The following UBA6 variants were observed in gnomAD, a reference collection of about 807,000 sequenced individuals.
The protein encoded by UBA6 is ubiquitin-like modifier-activating enzyme 6.
In UBA6, 87 loss-of-function variants were observed where a neutral mutation model predicts 148.3. The observed-to-expected ratio is 0.59, with a 90% confidence interval of 0.49 to 0.70. The LOEUF is 0.70. Among genes scored for constraint, UBA6 ranks in the 30% least tolerant of loss-of-function variants. The probability of loss-of-function intolerance (pLI) is 0.00; values close to 1 mark genes in which losing one functional copy is unlikely to be tolerated. For synonymous variants in UBA6, 376 were observed against 401.0 expected (o/e 0.94, Z 0.75); for missense variants, 1,186 against 1,241.2 (o/e 0.96, Z 0.67).
chr4:67,642,164 A>G, intron 17 of UBA6, among the ~76,000 whole-genome samples: 1 of 151,922 alleles, frequency 6.6e-6, no homozygotes, highest in East Asian at 1.9e-4. Flanking sequence ...ACCTCCTCCA[A>G]TTCTGCTTTT....
At chr4:67,624,016 C>T in intron 30 of UBA6, 110 bp downstream of exon 30, 1 of 923,176 alleles carries the variant, frequency 1.1e-6, no homozygotes, top group South Asian at 2.4e-5. Flanking sequence ...CAAAAATTTA[C>T]ACATACACAA....
At chr4:67,677,258 G>A (rs1267773463) in intron 6 of UBA6, among the ~76,000 whole-genome samples, 2 of 152,160 alleles carry the variant, frequency 1.3e-5, no homozygotes, top group African/African-American at 4.8e-5. Flanking sequence ...ACATGGGGGA[G>A]AACCCAAACT....
chr4:67,616,306 G>A lies in UBA6; in HGVS notation c.*2691C>T, dbSNP rs777617967. ...ATTATAGTGGAAAGATTTAGGTCAC[G>A]AGATTTTTTTTTTCCCTAAAAATTT... On this transcript the variant is annotated 3_prime_UTR_variant, in exon 33 of 33. Coordinates refer to ENST00000322244, the MANE Select transcript of UBA6 (RefSeq NM_018227.6). The A allele has an allele frequency of 2.0e-4, 76 of 380,852 alleles. No homozygotes were observed. The highest frequency in any genetic ancestry group is 2.8e-4 in the Non-Finnish European group (60 of 215,304). The allele number at this position is 380,852 out of a possible 1,614,324, so 23.6% of individuals were successfully genotyped here.
chr4:67,685,955 A>G (rs1730548669), intron 2 of UBA6, among the ~76,000 whole-genome samples: 1 of 152,184 alleles, frequency 6.6e-6, no homozygotes, highest in Non-Finnish European at 1.5e-5. Context: ...CTTTGTACCA[A>G]GTAATATGTC....
At chr4:67,673,553 TG>T in intron 7 of UBA6, 143 bp downstream of exon 7, 1 of 450,840 alleles carries the variant, frequency 2.2e-6, no homozygotes, top group Non-Finnish European at 4.0e-6. Flanking sequence ...AAACAGGAAA[TG>T]AATATATCAA....
chr4:67,630,586 G>A (rs1428268176), intron 25 of UBA6, 51 bp from the exon 26 acceptor site: 7 of 1,146,304 alleles, frequency 6.1e-6, no homozygotes, highest in Admixed American at 2.4e-5. Flanking sequence ...TTTTAAAGAC[G>A]ATATTTAACT....
At chr4:67,677,815 C>T in intron 5 of UBA6, 93 bp from the exon 6 acceptor site, 1 of 587,460 alleles carries the variant, frequency 1.7e-6, no homozygotes, top group Non-Finnish European at 2.8e-6. Context: ...AGGAACCTGA[C>T]ATGTTACAAA....
chr4:67,657,522 A>C (rs1729729432), intron 13 of UBA6, among the ~76,000 whole-genome samples: 1 of 152,240 alleles, frequency 6.6e-6, no homozygotes, highest in African/African-American at 2.4e-5. Context: ...TAGAAAAATT[A>C]ACTCAAGATG....
chr4:67,663,108 A>G, intron 12 of UBA6, 31 bp downstream of exon 12: 2 of 1,534,722 alleles, frequency 1.3e-6, no homozygotes, highest in Non-Finnish European at 1.8e-6. Context: ...TATAAAAAGG[A>G]AAATACTTAT....
Position 67,682,141 on chromosome 4 carries a change from C to A in UBA6, c.207G>T (p.Met69Ile), listed in dbSNP as rs1486740986. The change falls in exon 3 of 33, where the codon ATG becomes ATT. Residue 69 changes from methionine (M) to isoleucine (I), a missense_variant. By Grantham distance (10) the Met-to-Ile change is conservative (BLOSUM62 1). Coordinates refer to ENST00000322244, the MANE Select transcript of UBA6 (RefSeq NM_018227.6). ...MAKSHVFLSG[M>I]GGLGLEIAKN... ...TACCAATTTCCAAACCAAGACCACC[C>A]ATCCCACTTAAGAAAACATGGGACT... 2 of 1,613,654 alleles carry A rather than the reference C, an allele frequency of 1.2e-6. No homozygotes were observed.
At chr4:67,637,351 G>A (rs1212445755) in intron 19 of UBA6, among the ~76,000 whole-genome samples, 25 of 149,546 alleles carry the variant, frequency 1.7e-4, no homozygotes, top group African/African-American at 4.4e-4. Flanking sequence ...TGCCCCGTCC[G>A]GGAGGTGGGG....
At chr4:67,631,629 C>T in intron 25 of UBA6, 79 bp downstream of exon 25, 1 of 1,061,438 alleles carries the variant, frequency 9.4e-7, no homozygotes, top group Non-Finnish European at 1.4e-6. Flanking sequence ...AAGGTTTTCA[C>T]TCTGCAATGT....
intron 9 of UBA6, among the ~76,000 whole-genome samples, chr4:67,666,688 CA>C (rs1347891903): frequency 2.0e-5 from 3 of 151,834 alleles, no homozygotes; most frequent in Non-Finnish European, 4.4e-5. Context: ...CCAGCTTGGG[CA>C]AAATAGAGAG....
At chr4:67,656,506 A>G (rs1233952375) in intron 13 of UBA6, among the ~76,000 whole-genome samples, 1 of 152,192 alleles carries the variant, frequency 6.6e-6, no homozygotes, top group East Asian at 1.9e-4. Flanking sequence ...CTCTCAATGA[A>G]CTAGGTATTG....
chr4:67,640,243 T>G (rs985536617), intron 18 of UBA6, among the ~76,000 whole-genome samples: 1 of 152,248 alleles, frequency 6.6e-6, no homozygotes, highest in Non-Finnish European at 1.5e-5. Flanking sequence ...CAGGACTTTA[T>G]AGTTCTTCTC....
intron 13 of UBA6, among the ~76,000 whole-genome samples, chr4:67,660,982 T>C (rs1729836766): frequency 6.6e-6 from 1 of 152,166 alleles, no homozygotes; most frequent in Non-Finnish European, 1.5e-5. Context: ...TGGGATTTTA[T>C]AGTGCATGGG....
intron 2 of UBA6, among the ~76,000 whole-genome samples, chr4:67,693,463 CAT>C (rs1730747191): frequency 6.6e-6 from 1 of 152,020 alleles, no homozygotes; most frequent in African/African-American, 2.4e-5. Flanking sequence ...AGTCAAAAGT[CAT>C]ATGTGGATTT....
chr4:67,685,824 T>A (rs1158987804), intron 2 of UBA6, among the ~76,000 whole-genome samples: 1 of 152,150 alleles, frequency 6.6e-6, no homozygotes, highest in Non-Finnish European at 1.5e-5. Flanking sequence ...CATGGGACGA[T>A]GCAGTAATAA....
At chr4:67,687,139 G>A (rs1413531576) in intron 2 of UBA6, among the ~76,000 whole-genome samples, 1 of 148,594 alleles carries the variant, frequency 6.7e-6, no homozygotes, top group Non-Finnish European at 1.5e-5. Flanking sequence ...GGGTTCAAGT[G>A]ATTCTCCTGT....
Sources: allele counts gnomAD v4.1 joint callset (sites outside exome capture counted in the v4.1 genomes callset), GRCh38; gene constraint gnomAD v4.1.1; transcripts MANE v1.5; gene names NCBI Gene and HGNC (gene_info 2026-07-23, HGNC 2026-07-21).